SMYD3: variants seen among roughly 807,000 people sequenced by gnomAD.
SMYD3 encodes SET and MYND domain containing 3, also known as histone-lysine N-methyltransferase SMYD3.
Under a neutral mutation model 57.7 loss-of-function variants are expected in SMYD3, and 36 were observed. The ratio of observed to expected loss-of-function variants is 0.62; its 90% CI spans 0.48 to 0.82. SMYD3 has a LOEUF of 0.82. Ranked by LOEUF, SMYD3 falls within the 40% of genes least tolerant of loss-of-function variation. The probability of loss-of-function intolerance (pLI) is 0.00; values close to 1 mark genes in which losing one functional copy is unlikely to be tolerated. For synonymous variants in SMYD3, 211 were observed against 195.0 expected, an observed-to-expected ratio of 1.08 and a Z score of -0.68; for missense variants, 515 against 538.8, an observed-to-expected ratio of 0.96 and a Z score of 0.44.
chr1:245,811,672 C>G (rs2048479990), intron 10 of SMYD3, among the ~76,000 whole-genome samples: 1 of 152,182 alleles, frequency 6.6e-6, no homozygotes, highest in African/African-American at 2.4e-5. Flanking sequence ...AAAAAGCTAT[C>G]TTCCTAAACA....
intron 10 of SMYD3, among the ~76,000 whole-genome samples, chr1:245,823,132 G>C (rs953188665): frequency 2.0e-5 from 3 of 152,160 alleles, no homozygotes; most frequent in African/African-American, 7.2e-5. Flanking sequence ...AGAGGCCATT[G>C]GCTTCAGAGG....
intron 5 of SMYD3, among the ~76,000 whole-genome samples, chr1:246,279,881 T>C (rs982518315): frequency 1.1e-4 from 17 of 152,324 alleles, no homozygotes; most frequent in African/African-American, 3.8e-4. Flanking sequence ...AAATCTTTAG[T>C]TGAACAATTA....
intron 10 of SMYD3, among the ~76,000 whole-genome samples, chr1:245,770,409 G>A (rs1249892825): frequency 6.6e-6 from 1 of 152,162 alleles, no homozygotes; most frequent in Non-Finnish European, 1.5e-5. Flanking sequence ...ACCACCAAAG[G>A]ACTACAATCT....
At chr1:246,451,816 T>C (rs2067637592) in intron 1 of SMYD3, among the ~76,000 whole-genome samples, 4 of 152,232 alleles carry the variant, frequency 2.6e-5, no homozygotes, top group Non-Finnish European at 5.9e-5. Context: ...TTTTTTTTAG[T>C]CAATAAAATT....
At chr1:246,212,138 G>C (rs1427269781) in intron 5 of SMYD3, among the ~76,000 whole-genome samples, 1 of 151,804 alleles carries the variant, frequency 6.6e-6, no homozygotes, top group Admixed American at 6.6e-5. Context: ...ACACAGGGCT[G>C]GTAAACTAAA....
chr1:245,769,352 A>G (rs1348142231), intron 10 of SMYD3, among the ~76,000 whole-genome samples: 2 of 152,220 alleles, frequency 1.3e-5, no homozygotes, highest in Non-Finnish European at 2.9e-5. Flanking sequence ...AACAAAACAG[A>G]ACCCCACACA....
At chr1:245,938,963 T>G (rs978495980) in intron 5 of SMYD3, among the ~76,000 whole-genome samples, 1 of 152,014 alleles carries the variant, frequency 6.6e-6, no homozygotes, top group Non-Finnish European at 1.5e-5. Context: ...CTGGCCAACA[T>G]GGTGAAACCC....
chr1:245,842,497 T>C (rs1165845714), intron 10 of SMYD3, among the ~76,000 whole-genome samples: 2 of 152,092 alleles, frequency 1.3e-5, no homozygotes, highest in African/African-American at 4.8e-5. Flanking sequence ...TGGAAACCAC[T>C]ACTCAACAGG....
intron 10 of SMYD3, among the ~76,000 whole-genome samples, chr1:245,831,318 G>C (rs10924346): frequency 0.84 from 127,155 of 152,136 alleles, 54,559 homozygotes; most frequent in Non-Finnish European, 0.95. Flanking sequence ...TGCATAGCAA[G>C]CAATTTTTCC....
intron 5 of SMYD3, among the ~76,000 whole-genome samples, chr1:246,024,166 T>C (rs1022262173): frequency 3.3e-5 from 5 of 152,198 alleles, no homozygotes; most frequent in Non-Finnish European, 2.9e-5. Flanking sequence ...CAATATAATA[T>C]GGAAGCGAGA....
chr1:246,472,484 T>G (rs10924740), intron 1 of SMYD3, among the ~76,000 whole-genome samples: 33,689 of 152,150 alleles, frequency 0.22, 4,442 homozygotes, highest in Non-Finnish European at 0.29. Flanking sequence ...GGCTCATGAC[T>G]GTAGCCCCAG....
intron 5 of SMYD3, among the ~76,000 whole-genome samples, chr1:246,318,893 T>C (rs2065205561): frequency 6.6e-6 from 1 of 152,222 alleles, no homozygotes; most frequent in Admixed American, 6.5e-5. Flanking sequence ...TTTTTAACTA[T>C]GATAAATATA....
At chr1:246,010,662 T>C in intron 5 of SMYD3, among the ~76,000 whole-genome samples, 1 of 152,312 alleles carries the variant, frequency 6.6e-6, no homozygotes. Context: ...AAAAGTTGAC[T>C]TCTCATCCCA....
intron 10 of SMYD3, among the ~76,000 whole-genome samples, chr1:245,807,649 C>G (rs1310549793): frequency 6.6e-6 from 1 of 151,964 alleles, no homozygotes; most frequent in African/African-American, 2.4e-5. Flanking sequence ...TCTAAGAAAC[C>G]AAATAAAATT....
chr1:246,291,394 C>T (rs1336219148), intron 5 of SMYD3, among the ~76,000 whole-genome samples: 1 of 152,164 alleles, frequency 6.6e-6, no homozygotes, highest in East Asian at 1.9e-4. Context: ...TTTATGGAGA[C>T]CACGAGGCAC....
chr1:246,047,022 A>G (rs907842802), intron 5 of SMYD3, among the ~76,000 whole-genome samples: 5 of 152,214 alleles, frequency 3.3e-5, no homozygotes, highest in Non-Finnish European at 7.4e-5. Flanking sequence ...ACAAAAAGAT[A>G]AACATATGTT....
intron 10 of SMYD3, among the ~76,000 whole-genome samples, chr1:245,794,833 T>C (rs1438144401): frequency 1.3e-5 from 2 of 152,250 alleles, no homozygotes; most frequent in Admixed American, 1.3e-4. Flanking sequence ...ATTGGTTCTG[T>C]TCCTATTCTC....
intron 11 of SMYD3, among the ~76,000 whole-genome samples, chr1:245,751,570 GAAAGAGAA>G (rs766968489): frequency 0.13 from 18,851 of 143,160 alleles, 1,705 homozygotes; most frequent in African/African-American, 0.28. Flanking sequence ...GAGACAGAGA[GAAAGAGAA>G]AGAGAGAGAG....
chr1:246,130,953 C>T (rs1053040444), intron 5 of SMYD3, among the ~76,000 whole-genome samples: 3 of 152,116 alleles, frequency 2.0e-5, no homozygotes, highest in Non-Finnish European at 2.9e-5. Flanking sequence ...AATCAAACCT[C>T]GTCTTAACAC....
Sources: allele counts gnomAD v4.1 joint callset (sites outside exome capture counted in the v4.1 genomes callset), GRCh38; gene constraint gnomAD v4.1.1; transcripts MANE v1.5; gene names NCBI Gene and HGNC (gene_info 2026-07-23, HGNC 2026-07-21).